The following RRM1 variants were observed in gnomAD, a reference collection of about 807,000 sequenced individuals.
RRM1 encodes ribonucleotide reductase catalytic subunit M1.
In RRM1, 19 loss-of-function variants were observed where a neutral mutation model predicts 101.5. The observed-to-expected ratio is 0.19, with a 90% CI of 0.13 to 0.27. RRM1 has a LOEUF of 0.27. Among genes scored for constraint, RRM1 ranks in the 10% least tolerant of loss-of-function variants. The pLI is 1.00. For missense variants in RRM1, 500 were observed against 962.9 expected (o/e 0.52, Z 6.36); for synonymous variants, 298 against 323.4 (o/e 0.92, Z 0.84).
At chr11:4,107,583 A>G (rs1295955765) in intron 4 of RRM1, 48 bp downstream of exon 4, 1 of 1,156,516 alleles carries the variant, frequency 8.6e-7, no homozygotes, top group Non-Finnish European at 1.3e-6. Flanking sequence ...GTCTTTTTTA[A>G]TAATGCACAC....
intron 9 of RRM1, among the ~76,000 whole-genome samples, chr11:4,120,944 G>C (rs910072212): frequency 2.6e-5 from 4 of 152,162 alleles, no homozygotes; most frequent in Non-Finnish European, 5.9e-5. Flanking sequence ...GCTTGAGCCC[G>C]GTAGGCAGGA....
intron 1 of RRM1, 68 bp downstream of exon 1, chr11:4,095,099 G>GGCCC: frequency 1.3e-6 from 2 of 1,507,396 alleles, no homozygotes; most frequent in South Asian, 1.2e-5. Context: ...CGGAGCTGAT[G>GGCCC]CCCAGACCGC....
intron 1 of RRM1, among the ~76,000 whole-genome samples, chr11:4,100,259 A>T (rs1463041942): frequency 6.6e-6 from 1 of 152,196 alleles, no homozygotes; most frequent in African/African-American, 2.4e-5. Flanking sequence ...CTAGGCACTA[A>T]ATTTGAGAAT....
intron 2 of RRM1, among the ~76,000 whole-genome samples, chr11:4,102,476 G>A (rs1033088399): frequency 1.3e-5 from 2 of 152,086 alleles, no homozygotes; most frequent in African/African-American, 4.8e-5. Context: ...TGGCCAACAT[G>A]GTGAAACCCC....
At chr11:4,129,947 C>T (rs947608968) in intron 15 of RRM1, among the ~76,000 whole-genome samples, 29 of 150,380 alleles carry the variant, frequency 1.9e-4, no homozygotes, top group African/African-American at 7.1e-4. Flanking sequence ...ATACTGCCTC[C>T]CCCAGAAAAC....
intron 18 of RRM1, chr11:4,137,078 G>A (rs9666857): frequency 0.36 from 81,529 of 225,622 alleles, 15,199 homozygotes; most frequent in South Asian, 0.46. Context: ...GAGAGCACAG[G>A]GTTGGGGGTA....
chr11:4,116,342 C>T (rs1345498063), intron 7 of RRM1: 1 of 152,160 alleles, frequency 6.6e-6, no homozygotes, highest in Non-Finnish European at 1.5e-5. Context: ...TAACAAGTTT[C>T]ACACTTTGGG....
intron 1 of RRM1, among the ~76,000 whole-genome samples, chr11:4,099,646 A>C (rs1257308625): frequency 1.3e-5 from 2 of 152,106 alleles, no homozygotes; most frequent in African/African-American, 4.8e-5. Context: ...CACAGGGAAC[A>C]GTTGAAGAGA....
chr11:4,095,490 G>A (rs574961520), intron 1 of RRM1, among the ~76,000 whole-genome samples: 1 of 152,322 alleles, frequency 6.6e-6, no homozygotes, highest in South Asian at 2.1e-4. Flanking sequence ...TTAGGCACAG[G>A]GTCGGGGGGC....
rs769117284 is a variant in RRM1 at position 4,107,448 on chromosome 11, C to T, written c.300C>T (p.Asp100=). 3.7e-6 allele frequency: 6 copies of T among 1,607,252 alleles called. No individual in the cohort carries two copies. The highest frequency in any genetic ancestry group is 1.7e-5 in the Admixed American group (1 of 59,942). Residue 100 remains aspartate, a synonymous_variant, in exon 4 of 19, where the codon GAC becomes GAT. Transcript: ENST00000300738. ...TGTATTTTTTAGATGTGATGGAAGACCTCTATAACTACATAAATCCACATA... is the reference window on the plus strand; with the variant it reads ...TGTATTTTTTAGATGTGATGGAAGATCTCTATAACTACATAAATCCACATA... ...TKKVFSDVME[D]LYNYINPHNG...
rs1335734018 is a variant in RRM1, at chr11:4,111,217, C to T, written c.448-384C>T. Among the ~76,000 whole-genome samples the T allele has an allele frequency of 6.6e-5, 10 of 151,664 alleles. No homozygotes were observed. The East Asian group carries it at 1.9e-3, about 29-fold the overall frequency. On this transcript the variant is annotated intron_variant, in intron 5 of 18. Transcript: ENST00000300738. ...AAAAAAGTGCCAATGATAATTCTGGCTAACATGACGAAACCCTGTCTCTAC... is the reference window on the plus strand; with the variant it reads ...AAAAAAGTGCCAATGATAATTCTGGTTAACATGACGAAACCCTGTCTCTAC...
chr11:4,135,028 A>G (rs1461098553), intron 17 of RRM1, 54 bp from the exon 18 acceptor site: 1 of 1,363,250 alleles, frequency 7.3e-7, no homozygotes, highest in Non-Finnish European at 1.0e-6. Context: ...TCTATTAATC[A>G]TACACTGCTT....
intron 14 of RRM1, among the ~76,000 whole-genome samples, chr11:4,127,533 A>C (rs1411280503): frequency 6.6e-6 from 1 of 152,162 alleles, no homozygotes; most frequent in Non-Finnish European, 1.5e-5. Context: ...GGAGTGTTAC[A>C]ACCACAAGCC....
intron 7 of RRM1, among the ~76,000 whole-genome samples, chr11:4,113,450 GCATCTGCAGACA>G (rs1240051482): frequency 1.3e-5 from 2 of 152,142 alleles, no homozygotes; most frequent in Non-Finnish European, 2.9e-5. Flanking sequence ...AAACTCAAGA[GCATCTGCAGACA>G]CATTATTAGA....
intron 12 of RRM1, among the ~76,000 whole-genome samples, chr11:4,125,192 C>T (rs939952086): frequency 6.6e-6 from 1 of 152,116 alleles, no homozygotes; most frequent in East Asian, 1.9e-4. Flanking sequence ...GGATTACAGG[C>T]GTGAGCCACC....
At chr11:4,125,265 C>G (rs1273523570) in intron 12 of RRM1, among the ~76,000 whole-genome samples, 1 of 152,102 alleles carries the variant, frequency 6.6e-6, no homozygotes, top group Non-Finnish European at 1.5e-5. Flanking sequence ...CATTAGCAGT[C>G]ACTCCCTGTT....
intron 14 of RRM1, among the ~76,000 whole-genome samples, chr11:4,127,809 T>G (rs73419294): frequency 0.014 from 2,079 of 152,314 alleles, 42 homozygotes; most frequent in African/African-American, 0.047. Context: ...TAAAATAATG[T>G]AAGAGGGATG....
At chr11:4,112,187 T>C (rs1024288659) in intron 7 of RRM1, 125 bp downstream of exon 7, 1 of 669,166 alleles carries the variant, frequency 1.5e-6, no homozygotes, top group African/African-American at 1.8e-5. Context: ...ATTTAGATTC[T>C]GGAAAGATCT....
chr11:4,129,310 G>T (rs1011634866), intron 15 of RRM1, among the ~76,000 whole-genome samples, 160 bp downstream of exon 15: 2 of 152,038 alleles, frequency 1.3e-5, no homozygotes, highest in African/African-American at 4.8e-5. Flanking sequence ...AAAAAACTTC[G>T]TAAGATAATA....
Sources: gnomAD v4.1 joint callset for allele counts (sites outside exome capture counted in the v4.1 genomes callset) on GRCh38, gnomAD v4.1.1 for gene constraint, MANE v1.5 for transcripts, NCBI Gene and HGNC (gene_info 2026-07-23, HGNC 2026-07-21) for gene names.